The following SLC2A9 variants were observed in gnomAD, a reference collection of about 807,000 sequenced individuals.
The protein encoded by SLC2A9 is solute carrier family 2 member 9.
In SLC2A9, 39 loss-of-function variants were observed where a neutral mutation model predicts 50.6. The ratio of observed to expected loss-of-function variants is 0.77; its 90% confidence interval spans 0.60 to 1.01. The LOEUF is 1.01. SLC2A9 is among the 50% of genes least tolerant of loss of function. The pLI is 0.00. For missense variants in SLC2A9, 686 were observed against 677.6 expected (o/e 1.01, Z -0.14); for synonymous variants, 324 against 276.9 (o/e 1.17, Z -1.69).
At chr4:9,807,352 T>A (rs1347968900) in intron 3 of SLC2A9, among the ~76,000 whole-genome samples, 1 of 152,186 alleles carries the variant, frequency 6.6e-6, no homozygotes, top group Non-Finnish European at 1.5e-5. Flanking sequence ...TCCCTATGCT[T>A]CTTCAAAGTT....
intron 7 of SLC2A9, among the ~76,000 whole-genome samples, chr4:9,915,129 T>A (rs1742623627): frequency 6.6e-6 from 1 of 152,078 alleles, no homozygotes; most frequent in Non-Finnish European, 1.5e-5. Flanking sequence ...AGCTGGGAAG[T>A]CAGAGGATGT....
chr4:9,994,516 G>C (rs1315481170), intron 3 of SLC2A9, among the ~76,000 whole-genome samples: 4 of 151,024 alleles, frequency 2.6e-5, no homozygotes, highest in Non-Finnish European at 5.9e-5. Context: ...CCATTACTTA[G>C]AGATTGAAGG....
intron 1 of SLC2A9, among the ~76,000 whole-genome samples, chr4:10,033,748 TGGGGCTGGGGACGCTG>T (rs1764008960): frequency 6.6e-6 from 1 of 152,070 alleles, no homozygotes; most frequent in South Asian, 2.1e-4. Context: ...CCGACCTGGG[TGGGGCTGGGGACGCTG>T]AGGTGGGAAA....
chr4:9,936,170 G>C (rs1373114336), intron 6 of SLC2A9, among the ~76,000 whole-genome samples: 1 of 152,204 alleles, frequency 6.6e-6, no homozygotes, highest in Admixed American at 6.5e-5. Flanking sequence ...GTATCAGGAG[G>C]TGGGGCCTTT....
At chr4:9,904,282 C>A (rs1645263074) in intron 8 of SLC2A9, among the ~76,000 whole-genome samples, 1 of 152,198 alleles carries the variant, frequency 6.6e-6, no homozygotes, top group African/African-American at 2.4e-5. Context: ...GGGCTGGTTC[C>A]TTCTGGAGGC....
At chr4:9,963,374 G>T (rs1019547004) in intron 5 of SLC2A9, among the ~76,000 whole-genome samples, 5 of 152,132 alleles carry the variant, frequency 3.3e-5, no homozygotes, top group African/African-American at 1.2e-4. Flanking sequence ...ACTAATCAGG[G>T]TCTTCTTCAT....
At chr4:9,863,077 G>A (rs539548305) in intron 10 of SLC2A9, among the ~76,000 whole-genome samples, 30 of 151,970 alleles carry the variant, frequency 2.0e-4, no homozygotes, top group Non-Finnish European at 3.8e-4. Flanking sequence ...GACGGGGACC[G>A]AGAAATGTCT....
At chr4:9,982,111 C>T (rs1755984874) in intron 4 of SLC2A9, among the ~76,000 whole-genome samples, 1 of 152,222 alleles carries the variant, frequency 6.6e-6, no homozygotes, top group Non-Finnish European at 1.5e-5. Context: ...AACTCCCGAC[C>T]TCAGATGATC....
At chr4:9,772,819 T>TTTA (rs1560264710) in intron 1 of SLC2A9, among the ~76,000 whole-genome samples, 6 of 61,420 alleles carry the variant, frequency 9.8e-5, no homozygotes, top group African/African-American at 2.9e-4. Flanking sequence ...TTTTATTTTT[T>TTTA]TTTTTATTTT....
At chr4:9,793,885 C>T (rs1193499398) in intron 3 of SLC2A9, among the ~76,000 whole-genome samples, 1 of 152,108 alleles carries the variant, frequency 6.6e-6, no homozygotes, top group Non-Finnish European at 1.5e-5. Flanking sequence ...ACTTTCTGTC[C>T]CTCTCTCCCC....
chr4:9,967,443 A>G (rs1753212980), intron 5 of SLC2A9, among the ~76,000 whole-genome samples: 1 of 152,050 alleles, frequency 6.6e-6, no homozygotes, highest in Admixed American at 6.5e-5. Flanking sequence ...ATTTCTTTCT[A>G]GATTTTCACT....
chr4:9,827,001 C>T (rs753025798), intron 11 of SLC2A9, among the ~76,000 whole-genome samples: 1 of 152,122 alleles, frequency 6.6e-6, no homozygotes, highest in Non-Finnish European at 1.5e-5. Context: ...AGAGAAATGC[C>T]TTAGTTCATA....
At chr4:9,924,033 G>C (rs1744441016) in intron 6 of SLC2A9, 1 of 152,196 alleles carries the variant, frequency 6.6e-6, no homozygotes, top group African/African-American at 2.4e-5. Flanking sequence ...CCTGCCCACA[G>C]GTCACAGGGG....
chr4:9,793,503 T>C (rs1445690361), intron 3 of SLC2A9, among the ~76,000 whole-genome samples: 3 of 152,244 alleles, frequency 2.0e-5, no homozygotes, highest in Non-Finnish European at 4.4e-5. Context: ...ACATTTATGC[T>C]TTCACAATAT....
chr4:9,947,774 C>T (rs1378834368), intron 5 of SLC2A9, among the ~76,000 whole-genome samples: 1 of 152,088 alleles, frequency 6.6e-6, no homozygotes. Flanking sequence ...GGGAACAGCC[C>T]TGTAGCCCAG....
chr4:10,033,246 A>G (rs1310954111), intron 1 of SLC2A9, among the ~76,000 whole-genome samples: 4 of 152,206 alleles, frequency 2.6e-5, no homozygotes, highest in Admixed American at 2.6e-4. Context: ...TAAGTAAGTT[A>G]GAGCTTCGGT....
intron 3 of SLC2A9, among the ~76,000 whole-genome samples, chr4:9,988,986 C>A (rs542904362): frequency 6.6e-6 from 1 of 152,210 alleles, no homozygotes; most frequent in Non-Finnish European, 1.5e-5. Flanking sequence ...TTTCATTAAA[C>A]CCTAGTAGAC....
chr4:10,029,396 A>G (rs142213024), intron 1 of SLC2A9: 2 of 152,294 alleles, frequency 1.3e-5, no homozygotes, highest in African/African-American at 4.8e-5. Flanking sequence ...TGCCACCTTG[A>G]TGATGGGATG....
chr4:9,835,715 C>A (rs1247405206), intron 10 of SLC2A9, among the ~76,000 whole-genome samples: 1 of 152,086 alleles, frequency 6.6e-6, no homozygotes, highest in African/African-American at 2.4e-5. Context: ...GGGAGTGAGT[C>A]CAGGAATGGA....
Sources: gnomAD v4.1 joint callset for allele counts (sites outside exome capture counted in the v4.1 genomes callset) on GRCh38, gnomAD v4.1.1 for gene constraint, MANE v1.5 for transcripts, NCBI Gene and HGNC (gene_info 2026-07-23, HGNC 2026-07-21) for gene names.